Variants in ADARB2 observed in about 807,000 individuals in gnomAD.
ADARB2 encodes the protein adenosine deaminase RNA specific B2 (inactive), also known as inactive double-stranded RNA-specific editase B2.
In ADARB2, 25 loss-of-function variants were observed where a neutral mutation model predicts 62.2. The observed-to-expected ratio is 0.40, with a 90% CI of 0.29 to 0.56. The LOEUF is 0.56. Among genes scored for constraint, ADARB2 ranks in the 20% least tolerant of loss-of-function variants. The pLI is 0.43. For missense variants in ADARB2, 1,071 were observed against 1,077.4 expected, an observed-to-expected ratio of 0.99 and a Z score of 0.08; for synonymous variants, 572 against 500.8, an observed-to-expected ratio of 1.14 and a Z score of -1.90.
At chr10:1,404,850 A>T (rs1337949949) in intron 1 of ADARB2, among the ~76,000 whole-genome samples, 1 of 152,230 alleles carries the variant, frequency 6.6e-6, no homozygotes, top group Non-Finnish European at 1.5e-5. Context: ...CAACTTTCCC[A>T]TCCCAGCGAG....
At chr10:1,626,378 T>C (rs12265319) in intron 1 of ADARB2, among the ~76,000 whole-genome samples, 3,347 of 39,042 alleles carry the variant, frequency 0.086, 82 homozygotes, top group Middle Eastern at 0.23. Flanking sequence ...GCTAACCCCA[T>C]GTCTGCCCAC....
At position 1,180,315 on chromosome 10, in the gene ADARB2, T is replaced by C. The variant is rs1293211066; in HGVS notation, c.*2878A>G. 1 of 151,620 alleles carries C rather than the reference T, an allele frequency of 6.6e-6. No homozygotes were observed. Among genetic ancestry groups the C allele is most frequent in the Non-Finnish European group, 1.5e-5 (1 of 67,846 alleles). The allele number at this position is 151,620 out of a possible 1,614,324, so 9.4% of individuals were successfully genotyped here. A position where few individuals can be genotyped will look rare whatever the true frequency, so the allele number is the denominator to read the frequency against. ...CAGCTCTTCCGGGAACTCTTGGGGC[T>C]GTGGGAATCCTGGGACCCGGGTCTT... On this transcript the variant is annotated 3_prime_UTR_variant, in exon 10 of 10. Transcript: ENST00000381312.
intron 1 of ADARB2, among the ~76,000 whole-genome samples, chr10:1,562,220 C>G (rs1290136248): frequency 6.6e-6 from 1 of 152,088 alleles, no homozygotes; most frequent in African/African-American, 2.4e-5. Flanking sequence ...CACCTCCGGG[C>G]CCCTAGATCT....
Position 1,183,136 on chromosome 10 carries a change from G to A in ADARB2, c.*57C>T. The A allele has an allele frequency of 1.3e-6, 2 of 1,575,850 alleles. No individual in the cohort carries two copies. The highest frequency in any genetic ancestry group is 2.3e-5 in the South Asian group (2 of 88,276). On this transcript the variant is annotated 3_prime_UTR_variant, in exon 10 of 10. Transcript: ENST00000381312. ...GGCCGACCCGCCACGTCGCCCCCCA[G>A]ACACGGTCCCATCCCTCCAGCGTCC...
chr10:1,187,195 AGG>A (rs1176833483), intron 8 of ADARB2, among the ~76,000 whole-genome samples: 1 of 152,162 alleles, frequency 6.6e-6, no homozygotes, highest in Non-Finnish European at 1.5e-5. Flanking sequence ...GAGAGCCGGG[AGG>A]GACAATCTGG....
rs1025692370 is a variant in ADARB2 at position 1,471,468 on chromosome 10, G to A, written c.101-92308C>T. 7.9e-5 allele frequency among the ~76,000 whole-genome samples: 12 copies of A among 152,008 alleles called. 1 individual carries two copies. The highest frequency in any genetic ancestry group is 4.2e-4 in the South Asian group (2 of 4,810). ...TGCAATGGCGAGGTCTCGGCTTACC[G>A]CAACCTCTGCCTCCCAGGTTCAAGC... On this transcript the variant is annotated intron_variant, in intron 1 of 9. Transcript: ENST00000381312.
At chr10:1,602,695 T>TAC (rs57066959) in intron 1 of ADARB2, among the ~76,000 whole-genome samples, 99,311 of 134,810 alleles carry the variant, frequency 0.74, 32,972 homozygotes, top group South Asian at 0.8. Context: ...CACCTGTACA[T>TAC]ACACACATCC....
chr10:1,650,076 G>A (rs1317557849), intron 1 of ADARB2, among the ~76,000 whole-genome samples: 1 of 152,218 alleles, frequency 6.6e-6, no homozygotes, highest in East Asian at 1.9e-4. Context: ...GACTGTATTT[G>A]CTCTTGCTGT....
chr10:1,606,475 C>A (rs1022607369), intron 1 of ADARB2, among the ~76,000 whole-genome samples: 1 of 152,118 alleles, frequency 6.6e-6, no homozygotes, highest in African/African-American at 2.4e-5. Flanking sequence ...CTGCAAGAGA[C>A]AATATGCCTT....
At chr10:1,383,952 C>A (rs1211950806) in intron 1 of ADARB2, among the ~76,000 whole-genome samples, 1 of 152,130 alleles carries the variant, frequency 6.6e-6, no homozygotes, top group African/African-American at 2.4e-5. Flanking sequence ...TTTTATTGAA[C>A]CTTCTATGTT....
intron 1 of ADARB2, among the ~76,000 whole-genome samples, chr10:1,727,342 C>T (rs1387800472): frequency 6.6e-6 from 1 of 152,078 alleles, no homozygotes; most frequent in Non-Finnish European, 1.5e-5. Context: ...GTCTCGTCAC[C>T]CCAAAGGTGG....
intron 1 of ADARB2, among the ~76,000 whole-genome samples, chr10:1,688,609 G>A (rs1834628716): frequency 6.6e-6 from 1 of 152,112 alleles, no homozygotes; most frequent in East Asian, 1.9e-4. Flanking sequence ...CCCCCGCCTG[G>A]CCTTCTGACT....
intron 1 of ADARB2, among the ~76,000 whole-genome samples, chr10:1,461,402 G>GAGAATCTGAC (rs1194998551): frequency 6.6e-6 from 1 of 152,180 alleles, no homozygotes; most frequent in African/African-American, 2.4e-5. Context: ...GTGAGGAAAT[G>GAGAATCTGAC]AGAATCTGAC....
chr10:1,334,491 C>G (rs1831956256), intron 3 of ADARB2, among the ~76,000 whole-genome samples: 1 of 152,086 alleles, frequency 6.6e-6, no homozygotes, highest in African/African-American at 2.4e-5. Flanking sequence ...ATAATAAATA[C>G]ATTTATAGTG....
intron 4 of ADARB2, among the ~76,000 whole-genome samples, chr10:1,246,207 G>GT (rs1830985115): frequency 6.6e-6 from 1 of 151,838 alleles, no homozygotes; most frequent in Non-Finnish European, 1.5e-5. Context: ...TTGTAAATTT[G>GT]TTTGAGTTCA....
chr10:1,265,316 C>T (rs1384001029), intron 4 of ADARB2, among the ~76,000 whole-genome samples: 1 of 152,280 alleles, frequency 6.6e-6, no homozygotes, highest in Non-Finnish European at 1.5e-5. Flanking sequence ...TCACCATCAA[C>T]AGCCCCTTTA....
intron 4 of ADARB2, among the ~76,000 whole-genome samples, chr10:1,247,423 T>C (rs1315840432): frequency 1.3e-5 from 2 of 152,218 alleles, no homozygotes; most frequent in East Asian, 1.9e-4. Flanking sequence ...TCAAAGGGAA[T>C]GCTTCCAGTT....
rs988425811 is a variant in ADARB2 at position 1,530,887 on chromosome 10, C to G, written c.101-151727G>C. ...AGGTCTCAGCACTCAGCACCCAGCA[C>G]TCAGGTCTCAGCACTCAGCACTCAG... On this transcript the variant is annotated intron_variant, in intron 1 of 9. Transcript: ENST00000381312. 2.3e-4 allele frequency among the ~76,000 whole-genome samples: 35 copies of G among 151,548 alleles called. 1 individual carries two copies. Among genetic ancestry groups the G allele is most frequent in the Admixed American group, 2.2e-3 (33 of 15,242 alleles).
intron 1 of ADARB2, among the ~76,000 whole-genome samples, chr10:1,590,557 T>C (rs1034022009): frequency 1.3e-5 from 2 of 152,230 alleles, no homozygotes; most frequent in Admixed American, 6.5e-5. Flanking sequence ...CCAGTGTCTG[T>C]CATCGTGGTT....
Sources: allele counts gnomAD v4.1 joint callset (sites outside exome capture counted in the v4.1 genomes callset), GRCh38; gene constraint gnomAD v4.1.1; transcripts MANE v1.5; gene names NCBI Gene and HGNC (gene_info 2026-07-23, HGNC 2026-07-21).